ABCG4: variants seen among roughly 807,000 people sequenced by gnomAD.
ABCG4 encodes ATP-binding cassette sub-family G member 4.
ABCG4 carries 35 observed loss-of-function variants against 64.6 expected under a neutral mutation model. The ratio of observed to expected loss-of-function variants is 0.54; its 90% confidence interval spans 0.41 to 0.72. The LOEUF (loss-of-function observed/expected upper bound fraction) is 0.72, where lower values mean the gene tolerates loss of function less well. Ranked by LOEUF, ABCG4 falls within the 30% of genes least tolerant of loss-of-function variation. The probability of loss-of-function intolerance (pLI) is 0.00; values close to 1 mark genes in which losing one functional copy is unlikely to be tolerated. For missense variants in ABCG4, 610 were observed against 846.3 expected (o/e 0.72, Z 3.46); for synonymous variants, 326 against 348.2 (o/e 0.94, Z 0.71).
At position 119,158,342 on chromosome 11, in the gene ABCG4, C is replaced by G. The variant is rs1389554404; in HGVS notation, c.1167+10C>G. The G allele has an allele frequency of 6.2e-7, 1 of 1,613,470 alleles. No individual in the cohort carries two copies. Among genetic ancestry groups the G allele is most frequent in the African/African-American group, 1.3e-5 (1 of 75,030 alleles). On this transcript the variant is annotated intron_variant, in intron 10 of 14. Transcript: ENST00000619701. The surrounding 1 kb of genome is among the most constrained non-coding windows in gnomAD (Gnocchi z 4.5). ...CATCCTCAGGGACACGGTGAGGCGT[C>G]AGGCTGGGGGAGAGGAGGCTGGCAC...
intron 9 of ABCG4, 84 bp downstream of exon 9, chr11:119,157,098 T>C (rs1462447912): frequency 6.6e-7 from 1 of 1,509,890 alleles, no homozygotes; most frequent in Non-Finnish European, 8.8e-7. Context: ...AAAGAGGCTG[T>C]TCCCCAGAGG....
intron 9 of ABCG4, among the ~76,000 whole-genome samples, chr11:119,157,790 A>T (rs562098622): frequency 2.7e-4 from 41 of 152,128 alleles, no homozygotes; most frequent in Non-Finnish European, 5.4e-4. Flanking sequence ...GGCGTGAACC[A>T]GGGAGGCGGA....
chr11:119,153,632 A>G (rs1948221218), intron 2 of ABCG4: 1 of 198,518 alleles, frequency 5.0e-6, no homozygotes, highest in African/African-American at 2.3e-5. Flanking sequence ...TGCTATGGAA[A>G]CACAGGGGAT....
Position 119,154,496 on chromosome 11 carries a change from A to G in ABCG4, c.490-29A>G, listed in dbSNP as rs1165231857. The G allele has an allele frequency of 3.7e-6, 6 of 1,613,922 alleles. No individual in the cohort carries two copies. Among genetic ancestry groups the G allele is most frequent in the African/African-American group, 1.3e-5 (1 of 74,900 alleles). ...CAAGGCAGAGCTCCCTCCCACACAT[A>G]CTTTTCTTGCTTACTCTCTGGGCCC... is the stretch of plus-strand genomic sequence containing the variant. On this transcript the variant is annotated intron_variant, in intron 4 of 14. Coordinates refer to ENST00000619701, the MANE Select transcript of ABCG4 (RefSeq NM_022169.5). This position sits in a 1 kb window ranked among gnomAD's most constrained non-coding sequence, Gnocchi z 7.0.
rs1167611055 is a variant in ABCG4, at chr11:119,150,169, T to C, written c.204T>C (p.Tyr68=). 1 of 1,613,940 alleles carries C rather than the reference T, an allele frequency of 6.2e-7. No homozygotes were observed. The highest frequency in any genetic ancestry group is 1.3e-5 in the African/African-American group (1 of 74,912). ...ACATCGAGTTCGTGGAGCTGTCCTA[T>C]TCCGTGCGGGAGGGGCCCTGCTGGC... ...AVDIEFVELS[Y]SVREGPCWRK... The change falls in exon 2 of 15, where the codon TAT becomes TAC. Residue 68 remains tyrosine (Y), a synonymous_variant. Transcript: ENST00000619701. The surrounding 1 kb of genome is among the most constrained non-coding windows in gnomAD (Gnocchi z 4.3).
At position 119,158,040 on chromosome 11, in the gene ABCG4, T is replaced by G. The variant is rs1948289953; in HGVS notation, c.1069-194T>G. Among the ~76,000 whole-genome samples, 1 of 152,202 alleles carries G rather than the reference T, an allele frequency of 6.6e-6. No individual in the cohort carries two copies. The highest frequency in any genetic ancestry group is 2.1e-4 in the South Asian group (1 of 4,832). On this transcript the variant is annotated intron_variant, in intron 9 of 14. Transcript: ENST00000619701. This position sits in a 1 kb window ranked among gnomAD's most constrained non-coding sequence, Gnocchi z 4.5. ...CTCCCAAGTTTTTGCCCCCTTTTTG[T>G]GTCTGAATCTTGCTCTGATTCATAC...
At position 119,161,081 on chromosome 11, in the gene ABCG4, G is replaced by A. The variant is rs746685392; in HGVS notation, c.1916G>A (p.Arg639His). Residue 639 changes from arginine to histidine, a missense_variant, in exon 15 of 15, where the codon CGT (arginine) becomes CAT (histidine). Arg to His is a conservative substitution (Grantham distance 29). Transcript: ENST00000619701. Reference sequence around the variant, plus strand: ...CGGCTGCTGGCCTACCTTGTGCTGCGTTACCGGGTCAAGTCAGAGAGATAG... The same window carrying A: ...CGGCTGCTGGCCTACCTTGTGCTGCATTACCGGGTCAAGTCAGAGAGATAG... ...ALRLLAYLVLRYRVKSER is the reference protein window; with the variant it reads ...ALRLLAYLVLHYRVKSER The A allele has an allele frequency of 2.7e-5, 43 of 1,613,646 alleles. No homozygotes were observed. Among genetic ancestry groups the A allele is most frequent in the Non-Finnish European group, 3.1e-5 (36 of 1,179,908 alleles).
At chr11:119,152,234 G>A (rs1179104944) in intron 2 of ABCG4, among the ~76,000 whole-genome samples, 1 of 152,156 alleles carries the variant, frequency 6.6e-6, no homozygotes, top group African/African-American at 2.4e-5. Flanking sequence ...TGTGACCCTG[G>A]GTGAGTCACT....
chr11:119,160,820 G>C lies in ABCG4; in HGVS notation c.1716-61G>C, dbSNP rs1592309973. 6.4e-7 allele frequency: 1 copy of C among 1,566,970 alleles called. No homozygotes were observed. Among genetic ancestry groups the C allele is most frequent in the Middle Eastern group, 1.7e-4 (1 of 5,908 alleles). On this transcript the variant is annotated intron_variant, in intron 14 of 14. Coordinates refer to ENST00000619701, the MANE Select transcript of ABCG4 (RefSeq NM_022169.5). The surrounding 1 kb of genome is among the most constrained non-coding windows in gnomAD (Gnocchi z 4.6). ...ACAGCATTGCAGCTGGGCTCTGGCA[G>C]TTTTCTCAGAGAGCAGGGACCCTGT...
rs1948163297 is a variant in ABCG4 at position 119,149,628 on chromosome 11, C to T, written c.-13+265C>T. On this transcript the variant is annotated intron_variant, in intron 1 of 14. Transcript: ENST00000619701. This position sits in a 1 kb window ranked among gnomAD's most constrained non-coding sequence, Gnocchi z 8.3. ...ACCTCCTAGAGCGGGCAGCCTCTGCCGGCTGCCTCTTCTCCCCCGCCCCCT... is the reference window on the plus strand; with the variant it reads ...ACCTCCTAGAGCGGGCAGCCTCTGCTGGCTGCCTCTTCTCCCCCGCCCCCT... 9.2e-6 allele frequency: 3 copies of T among 327,752 alleles called. No individual in the cohort carries two copies. In the South Asian group the frequency reaches 1.4e-4, roughly 15 times the overall value. 20.3% of individuals were successfully genotyped at this position (327,752 alleles called of 1,614,324 possible). A position where few individuals can be genotyped will look rare whatever the true frequency, so the allele number is the denominator to read the frequency against.
chr11:119,158,936 C>A lies in ABCG4; in HGVS notation c.1437+7C>A. ...GGCTGACGTGCCCTTTCAGGTGGGC[C>A]TCTTCCTCCCACCTGCCCACTGCCT... On this transcript the variant is annotated splice_region_variant and intron_variant, in intron 12 of 14. Transcript: ENST00000619701. This position sits in a 1 kb window ranked among gnomAD's most constrained non-coding sequence, Gnocchi z 4.5. The A allele has an allele frequency of 6.2e-7, 1 of 1,613,096 alleles. No homozygotes were observed. The highest frequency in any genetic ancestry group is 8.5e-7 in the Non-Finnish European group (1 of 1,179,206).
At position 119,156,783 on chromosome 11, in the gene ABCG4, C is replaced by T. The variant is rs1454593860; in HGVS notation, c.926-89C>T. 1.9e-5 allele frequency: 30 copies of T among 1,589,630 alleles called. No homozygotes were observed. The highest frequency in any genetic ancestry group is 2.5e-5 in the Non-Finnish European group (29 of 1,162,206). ...CTAGGGGTAGAGATCTCACCGTCGC[C>T]TGCCTTCCCCACACACCCAAGGCGG... On this transcript the variant is annotated intron_variant, in intron 8 of 14. Transcript: ENST00000619701. This position sits in a 1 kb window ranked among gnomAD's most constrained non-coding sequence, Gnocchi z 5.5.
chr11:119,151,711 G>A (rs766553132), intron 2 of ABCG4, among the ~76,000 whole-genome samples: 1 of 152,178 alleles, frequency 6.6e-6, no homozygotes, highest in Non-Finnish European at 1.5e-5. Context: ...CCTTATAGAT[G>A]AGGAGTCAGA....
Position 119,158,957 on chromosome 11 carries a change from T to C in ABCG4, c.1437+28T>C, listed in dbSNP as rs1948308266. On this transcript the variant is annotated intron_variant, in intron 12 of 14. Coordinates refer to ENST00000619701, the MANE Select transcript of ABCG4 (RefSeq NM_022169.5). The surrounding 1 kb of genome is among the most constrained non-coding windows in gnomAD (Gnocchi z 4.5). ...GGGCCTCTTCCTCCCACCTGCCCAC[T>C]GCCTCCATCTTGTCTTGCTCCTTCT... 6.3e-7 allele frequency: 1 copy of C among 1,598,892 alleles called. No individual in the cohort carries two copies. The highest frequency in any genetic ancestry group is 1.7e-5 in the Admixed American group (1 of 59,998).
Position 119,161,259 on chromosome 11 carries a change from C to T in ABCG4, c.*153C>T, listed in dbSNP as rs1372332373. On this transcript the variant is annotated 3_prime_UTR_variant, in exon 15 of 15. Coordinates refer to ENST00000619701, the MANE Select transcript of ABCG4 (RefSeq NM_022169.5). ...CCTCCACAGGCTGGCTGTCGGACTG[C>T]GCTCCCAGCCTGGGCTCTGGGAGTG... 1.2e-5 allele frequency: 8 copies of T among 675,398 alleles called. No individual in the cohort carries two copies. The highest frequency in any genetic ancestry group is 5.6e-5 in the East Asian group (2 of 35,800). The allele number at this position is 675,398 out of a possible 1,614,324, so 41.8% of individuals were successfully genotyped here.
rs1363118791 is a variant in ABCG4 at position 119,158,955 on chromosome 11, A to G, written c.1437+26A>G. 3 of 1,598,362 alleles carry G rather than the reference A, an allele frequency of 1.9e-6. No individual in the cohort carries two copies. Among genetic ancestry groups the G allele is most frequent in the African/African-American group, 2.7e-5 (2 of 74,570 alleles). The stretch of plus-strand genomic sequence containing the variant: ...GTGGGCCTCTTCCTCCCACCTGCCC[A>G]CTGCCTCCATCTTGTCTTGCTCCTT... On this transcript the variant is annotated intron_variant, in intron 12 of 14. Transcript: ENST00000619701. This position sits in a 1 kb window ranked among gnomAD's most constrained non-coding sequence, Gnocchi z 4.5.
At position 119,160,543 on chromosome 11, in the gene ABCG4, C is replaced by T; in HGVS notation, c.1602C>T (p.Ala534=). The part of the protein sequence containing the change: ...IGAASNSLQV[A]TFVGPVTAIP... ...CCCCCTCCCTTCCCCTCTAGGTGGC[C>T]ACTTTTGTGGGCCCAGTTACCGCCA... Residue 534 remains alanine, a synonymous_variant, in exon 14 of 15, where the codon GCC becomes GCT. Transcript: ENST00000619701. The surrounding 1 kb of genome is among the most constrained non-coding windows in gnomAD (Gnocchi z 4.6). The T allele has an allele frequency of 6.2e-7, 1 of 1,610,672 alleles. No individual in the cohort carries two copies. The highest frequency in any genetic ancestry group is 8.5e-7 in the Non-Finnish European group (1 of 1,179,890).
Position 119,156,792 on chromosome 11 carries a change from C to A in ABCG4, c.926-80C>A. 1 of 1,589,928 alleles carries A rather than the reference C, an allele frequency of 6.3e-7. No individual in the cohort carries two copies. The highest frequency in any genetic ancestry group is 1.1e-5 in the South Asian group (1 of 88,972). ...GAGATCTCACCGTCGCCTGCCTTCC[C>A]CACACACCCAAGGCGGGACTGACTT... On this transcript the variant is annotated intron_variant, in intron 8 of 14. Coordinates refer to ENST00000619701, the MANE Select transcript of ABCG4 (RefSeq NM_022169.5). The surrounding 1 kb of genome is among the most constrained non-coding windows in gnomAD (Gnocchi z 5.5).
rs1221712774 is a variant in ABCG4 at position 119,150,438 on chromosome 11, A to G, written c.238+235A>G. 2.6e-5 allele frequency among the ~76,000 whole-genome samples: 4 copies of G among 152,220 alleles called. No homozygotes were observed. Among genetic ancestry groups the G allele is most frequent in the Non-Finnish European group, 5.9e-5 (4 of 68,028 alleles). ...AGGTGCAATTGGTTATTGAAGCTGTATCTTCTAAAGAGATCCCGTGACCTC... is the reference window on the plus strand; with the variant it reads ...AGGTGCAATTGGTTATTGAAGCTGTGTCTTCTAAAGAGATCCCGTGACCTC... On this transcript the variant is annotated intron_variant, in intron 2 of 14. Transcript: ENST00000619701. This position sits in a 1 kb window ranked among gnomAD's most constrained non-coding sequence, Gnocchi z 4.3.
Sources: gnomAD v4.1 joint callset for allele counts (sites outside exome capture counted in the v4.1 genomes callset) on GRCh38, gnomAD v4.1.1 for gene constraint, Gnocchi (gnomAD v3.1) non-coding constraint, MANE v1.5 for transcripts, NCBI Gene and HGNC (gene_info 2026-07-23, HGNC 2026-07-21) for gene names.